The following GSAP variants were observed in gnomAD, a reference collection of about 807,000 sequenced individuals.
GSAP encodes gamma-secretase-activating protein.
Under a neutral mutation model 131.7 loss-of-function variants are expected in GSAP, and 118 were observed. That is an observed-to-expected ratio of 0.90 (90% CI 0.77 to 1.04). The LOEUF (loss-of-function observed/expected upper bound fraction) is 1.04, where lower values mean the gene tolerates loss of function less well. Ranked by LOEUF, GSAP falls within the 50% of genes least tolerant of loss-of-function variation. The pLI, the probability that GSAP is intolerant of heterozygous loss-of-function variation, is 0.00. For missense variants in GSAP, 1,019 were observed against 1,013.2 expected, an observed-to-expected ratio of 1.01 and a Z score of -0.08; for synonymous variants, 381 against 363.4, an observed-to-expected ratio of 1.05 and a Z score of -0.55.
chr7:77,389,306 TTTTG>T lies in GSAP; in HGVS notation c.368-1862_368-1859del, dbSNP rs549735966. Among the ~76,000 whole-genome samples the T allele has an allele frequency of 4.3e-3, 637 of 149,798 alleles. 7 individuals carry two copies. The highest frequency in any genetic ancestry group is 8.1e-3 in the African/African-American group (320 of 39,536). On this transcript the variant is annotated intron_variant, in intron 5 of 30. Coordinates refer to ENST00000257626, the MANE Select transcript of GSAP (RefSeq NM_017439.4). ...GTGTGTGTGTATATATATATATATT[TTTTG>T]TTTGTTTGTTTTGTTTTGTTTTTTG...
intron 12 of GSAP, among the ~76,000 whole-genome samples, chr7:77,370,768 C>A (rs1796000574): frequency 1.3e-5 from 2 of 152,122 alleles, no homozygotes; most frequent in South Asian, 4.1e-4. Context: ...CCAGCATAGT[C>A]AAGATTTCAC....
intron 13 of GSAP, among the ~76,000 whole-genome samples, chr7:77,361,387 A>G (rs1463458013): frequency 1.3e-5 from 2 of 152,228 alleles, no homozygotes; most frequent in Admixed American, 1.3e-4. Flanking sequence ...CTTAATCTTC[A>G]GAAAAGTTTT....
chr7:77,392,866 C>A (rs1799802089), intron 5 of GSAP, among the ~76,000 whole-genome samples: 1 of 152,078 alleles, frequency 6.6e-6, no homozygotes, highest in African/African-American at 2.4e-5. Context: ...TCTGGAAAAT[C>A]TCAGTGGCAA....
intron 8 of GSAP, among the ~76,000 whole-genome samples, chr7:77,378,641 C>G (rs1288951823): frequency 6.6e-6 from 1 of 152,010 alleles, no homozygotes; most frequent in East Asian, 1.9e-4. Flanking sequence ...AGAAACCATG[C>G]AATTCAACCC....
At chr7:77,405,915 T>A (rs1310373840) in intron 2 of GSAP, 114 bp downstream of exon 2, 2 of 374,286 alleles carry the variant, frequency 5.3e-6, no homozygotes, top group Non-Finnish European at 9.0e-6. Flanking sequence ...TGCCAACAAG[T>A]TTATTCATTA....
chr7:77,369,163 C>G (rs1795758222), intron 12 of GSAP, among the ~76,000 whole-genome samples: 1 of 152,218 alleles, frequency 6.6e-6, no homozygotes, highest in African/African-American at 2.4e-5. Flanking sequence ...CTTCCCTACT[C>G]ACTACCCTCC....
At position 77,399,639 on chromosome 7, in the gene GSAP, A is replaced by G. The variant is rs377519778; in HGVS notation, c.244-2224T>C. On this transcript the variant is annotated intron_variant, in intron 3 of 30. Coordinates refer to ENST00000257626, the MANE Select transcript of GSAP (RefSeq NM_017439.4). ...CCCATTACTTATGCTAATGGGAAGC[A>G]TAAGTAATACACTGCTTCCCATTTG... 3.9e-3 allele frequency among the ~76,000 whole-genome samples: 596 copies of G among 151,878 alleles called. 6 individuals are homozygous for G. Among genetic ancestry groups the G allele is most frequent in the African/African-American group, 7.3e-3 (303 of 41,456 alleles).
intron 26 of GSAP, among the ~76,000 whole-genome samples, chr7:77,317,800 T>C (rs2150600185): frequency 6.6e-6 from 1 of 152,362 alleles, no homozygotes; most frequent in Admixed American, 6.5e-5. Context: ...TTTTTTGTGT[T>C]AACAACAAAC....
At chr7:77,358,958 A>G (rs1321229554) in intron 14 of GSAP, among the ~76,000 whole-genome samples, 2 of 152,212 alleles carry the variant, frequency 1.3e-5, no homozygotes, top group Admixed American at 6.5e-5. Context: ...AGGCCGAGGC[A>G]GGTGGATCAC....
intron 26 of GSAP, among the ~76,000 whole-genome samples, chr7:77,319,634 T>C (rs900279591): frequency 1.3e-5 from 2 of 152,190 alleles, no homozygotes; most frequent in Non-Finnish European, 2.9e-5. Context: ...ATAGCCAAGA[T>C]AGGGAAACAA....
chr7:77,392,224 G>GAAA lies in GSAP; in HGVS notation c.367+4755_367+4757dup, dbSNP rs113720613. On this transcript the variant is annotated intron_variant, in intron 5 of 30. Transcript: ENST00000257626. ...GTGACAGAGCAAGACTCCATCTCAG[G>GAAA]AAAAAAAAAAAAAGAATTTTGAGAA... is the stretch of plus-strand genomic sequence containing the variant. Among the ~76,000 whole-genome samples the GAAA allele has an allele frequency of 3.2e-4, 41 of 127,728 alleles. 1 individual carries two copies. Among genetic ancestry groups the GAAA allele is most frequent in the East Asian group, 3.1e-3 (14 of 4,470 alleles). The allele number at this position is 127,728 out of a possible 152,430, so 83.8% of individuals were successfully genotyped here. A position where few individuals can be genotyped will look rare whatever the true frequency, so the allele number is the denominator to read the frequency against.
chr7:77,358,816 A>T (rs1446151100), intron 14 of GSAP, among the ~76,000 whole-genome samples: 1 of 152,228 alleles, frequency 6.6e-6, no homozygotes, highest in Non-Finnish European at 1.5e-5. Context: ...CTAGAACAAA[A>T]CCTCTAAACA....
At chr7:77,350,506 C>T (rs1792684846) in intron 18 of GSAP, among the ~76,000 whole-genome samples, 1 of 149,850 alleles carries the variant, frequency 6.7e-6, no homozygotes, top group Admixed American at 6.7e-5. Context: ...GAGGCCAAGG[C>T]TGGCAGATCA....
intron 20 of GSAP, 103 bp from the exon 21 acceptor site, chr7:77,329,494 AAATAT>A: frequency 2.0e-6 from 1 of 509,568 alleles, no homozygotes. Flanking sequence ...CAGAGAGAAG[AAATAT>A]ACTTTCCAGG....
At position 77,311,469 on chromosome 7, in the gene GSAP, G is replaced by C. The variant is rs200450684; in HGVS notation, c.2474-20C>G. The C allele has an allele frequency of 6.3e-6, 9 of 1,417,332 alleles. No homozygotes were observed. The highest frequency in any genetic ancestry group is 9.0e-6 in the Non-Finnish European group (9 of 1,002,938). The allele number at this position is 1,417,332 out of a possible 1,614,324, so 87.8% of individuals were successfully genotyped here. A position where few individuals can be genotyped will look rare whatever the true frequency, so the allele number is the denominator to read the frequency against. On this transcript the variant is annotated intron_variant, in intron 30 of 30. Coordinates refer to ENST00000257626, the MANE Select transcript of GSAP (RefSeq NM_017439.4). ...ACAGGGCTGGAAAAAAATGGGGAGA[G>C]GGCAGGGAAAAAGGGTTACCATGGG...
intron 19 of GSAP, among the ~76,000 whole-genome samples, chr7:77,342,531 T>TC (rs200576842): frequency 0.14 from 20,910 of 151,886 alleles, 1,559 homozygotes; most frequent in Non-Finnish European, 0.15. Flanking sequence ...TCTGCCCTTT[T>TC]CCCTAGTTCA....
Position 77,324,721 on chromosome 7 carries a change from T to C in GSAP, c.1828-979A>G, listed in dbSNP as rs1179962940. ...TTTTCCATGAAGATAAAAATTAAAATCACCCATAATCCTACCACCCATATT... is the reference window on the plus strand; with the variant it reads ...TTTTCCATGAAGATAAAAATTAAAACCACCCATAATCCTACCACCCATATT... On this transcript the variant is annotated intron_variant, in intron 23 of 30. Coordinates refer to ENST00000257626, the MANE Select transcript of GSAP (RefSeq NM_017439.4). Among the ~76,000 whole-genome samples, 16 of 152,008 alleles carry C rather than the reference T, an allele frequency of 1.1e-4. No homozygotes were observed. The East Asian group carries it at 3.1e-3, about 29-fold the overall frequency.
chr7:77,395,798 C>T (rs2151123708), intron 5 of GSAP, among the ~76,000 whole-genome samples: 1 of 152,194 alleles, frequency 6.6e-6, no homozygotes, highest in South Asian at 2.1e-4. Flanking sequence ...CATGCAATGG[C>T]AGGAAAATAC....
chr7:77,343,098 C>T (rs1279119091), intron 19 of GSAP, among the ~76,000 whole-genome samples: 3 of 152,192 alleles, frequency 2.0e-5, no homozygotes, highest in Non-Finnish European at 2.9e-5. Flanking sequence ...ACACAAGAGA[C>T]GGGACCGTGT....
Sources: allele counts gnomAD v4.1 joint callset (sites outside exome capture counted in the v4.1 genomes callset), GRCh38; gene constraint gnomAD v4.1.1; transcripts MANE v1.5; gene names NCBI Gene and HGNC (gene_info 2026-07-23, HGNC 2026-07-21).